NEK8: variants seen among roughly 807,000 people sequenced by gnomAD.
NEK8 encodes the protein serine/threonine-protein kinase Nek8.
A neutral mutation model predicts 77.2 loss-of-function variants in NEK8; 51 were observed. The observed-to-expected ratio is 0.66, with a 90% confidence interval of 0.53 to 0.83. NEK8 has a LOEUF of 0.83. Ranked by LOEUF, NEK8 falls within the 40% of genes least tolerant of loss-of-function variation. The pLI is 0.00. For missense variants in NEK8, 787 were observed against 909.2 expected (o/e 0.87, Z 1.73); for synonymous variants, 365 against 363.2 (o/e 1.00, Z -0.06).
At chr17:28,732,638 A>G (rs1332646350) in intron 1 of NEK8, among the ~76,000 whole-genome samples, 3 of 127,184 alleles carry the variant, frequency 2.4e-5, no homozygotes, top group African/African-American at 6.2e-5. Flanking sequence ...AGCAAGCTCC[A>G]CCTCCCAGGT....
At chr17:28,732,807 C>T (rs961130251) in intron 1 of NEK8, among the ~76,000 whole-genome samples, 1 of 151,924 alleles carries the variant, frequency 6.6e-6, no homozygotes, top group Non-Finnish European at 1.5e-5. Flanking sequence ...CCACCTCGGC[C>T]TCCCAAAGTG....
Position 28,742,034 on chromosome 17 carries a change from G to C in NEK8, c.*47G>C. 6.3e-7 allele frequency: 1 copy of C among 1,590,490 alleles called. No homozygotes were observed. Among genetic ancestry groups the C allele is most frequent in the Non-Finnish European group, 8.6e-7 (1 of 1,158,542 alleles). On this transcript the variant is annotated 3_prime_UTR_variant, in exon 15 of 15. Transcript: ENST00000268766. ...ACCACCCTGATATTGCTTCTCCTCT[G>C]AATGCTCTGAAAAGTGCAGGTGCCC...
At position 28,741,828 on chromosome 17, in the gene NEK8, T is replaced by C. The variant is rs1476691558; in HGVS notation, c.2051-131T>C. The C allele has an allele frequency of 4.8e-6, 5 of 1,041,480 alleles. No homozygotes were observed. The highest frequency in any genetic ancestry group is 1.3e-5 in the South Asian group (1 of 78,628). The allele number at this position is 1,041,480 out of a possible 1,614,324, so 64.5% of individuals were successfully genotyped here. On this transcript the variant is annotated intron_variant, in intron 14 of 14. Coordinates refer to ENST00000268766, the MANE Select transcript of NEK8 (RefSeq NM_178170.3). This position sits in a 1 kb window ranked among gnomAD's most constrained non-coding sequence, Gnocchi z 4.5. ...TTCTTTCTCCTACTGCTGAGTCCCG[T>C]TGATGCTGAAACTCTCTTTCTGGCC...
Position 28,737,659 on chromosome 17 carries a change from C to T in NEK8, c.828-16C>T. 1 of 1,614,164 alleles carries T rather than the reference C, an allele frequency of 6.2e-7. No individual in the cohort carries two copies. The highest frequency in any genetic ancestry group is 8.5e-7 in the Non-Finnish European group (1 of 1,180,010). ...TCAGGAGGGTCTTTGTCCTTAGGCCCCCATCTGTCCTGCAGGGCAGAGAAG... is the reference window on the plus strand; with the variant it reads ...TCAGGAGGGTCTTTGTCCTTAGGCCTCCATCTGTCCTGCAGGGCAGAGAAG... On this transcript the variant is annotated splice_polypyrimidine_tract_variant and intron_variant, in intron 5 of 14. Transcript: ENST00000268766. This position sits in a 1 kb window ranked among gnomAD's most constrained non-coding sequence, Gnocchi z 4.8.
chr17:28,730,867 A>C (rs2034299943), intron 1 of NEK8, among the ~76,000 whole-genome samples: 1 of 152,042 alleles, frequency 6.6e-6, no homozygotes, highest in South Asian at 2.1e-4. Flanking sequence ...AGGCTGTAGT[A>C]AGCTGAGATG....
rs1276801131 is a variant in NEK8, at chr17:28,742,142, T to C, written c.*155T>C. 1.2e-6 allele frequency: 1 copy of C among 808,216 alleles called. No individual in the cohort carries two copies. Among genetic ancestry groups the C allele is most frequent in the African/African-American group, 1.7e-5 (1 of 59,746 alleles). 50.1% of individuals were successfully genotyped at this position (808,216 alleles called of 1,614,324 possible). Reference sequence around the variant, plus strand: ...AAAACCCCTGCTCTGCTTTTGGCCTTGGATATGGAAACCTCAACCACTTTG... The same window carrying C: ...AAAACCCCTGCTCTGCTTTTGGCCTCGGATATGGAAACCTCAACCACTTTG... On this transcript the variant is annotated 3_prime_UTR_variant, in exon 15 of 15. Transcript: ENST00000268766.
Position 28,740,416 on chromosome 17 carries a change from AC to A in NEK8, c.1418-42del. ...AGTGGGCCCTCCTCATTCGGGCATC[AC>A]CCCCACTAAAGCTCAAATTAACTCC... On this transcript the variant is annotated intron_variant, in intron 10 of 14. Transcript: ENST00000268766. The surrounding 1 kb of genome is among the most constrained non-coding windows in gnomAD (Gnocchi z 4.7). 1 of 1,589,000 alleles carries A rather than the reference AC, an allele frequency of 6.3e-7. No homozygotes were observed. Among genetic ancestry groups the A allele is most frequent in the Non-Finnish European group, 8.6e-7 (1 of 1,157,390 alleles).
At chr17:28,739,227 C>T in intron 10 of NEK8, 26 bp downstream of exon 10, 1 of 1,473,066 alleles carries the variant, frequency 6.8e-7, no homozygotes. Context: ...TAGGCCCCAT[C>T]TCACAGCATC....
At chr17:28,732,597 G>T (rs1001815625) in intron 1 of NEK8, among the ~76,000 whole-genome samples, 2 of 139,758 alleles carry the variant, frequency 1.4e-5, no homozygotes, top group Non-Finnish European at 3.0e-5. Flanking sequence ...TGTCGCCCAG[G>T]CTGGAGTGCA....
Position 28,740,688 on chromosome 17 carries a change from C to G in NEK8, c.1568+75C>G. 1 of 1,592,634 alleles carries G rather than the reference C, an allele frequency of 6.3e-7. No individual in the cohort carries two copies. The highest frequency in any genetic ancestry group is 8.6e-7 in the Non-Finnish European group (1 of 1,161,046). On this transcript the variant is annotated intron_variant, in intron 11 of 14. Coordinates refer to ENST00000268766, the MANE Select transcript of NEK8 (RefSeq NM_178170.3). The surrounding 1 kb of genome is among the most constrained non-coding windows in gnomAD (Gnocchi z 4.7). ...CAAGTGCTCCGTCCATCATTGCCTA[C>G]CTTTCACCAAAGACCAGAATTGAGG...
intron 8 of NEK8, 50 bp downstream of exon 8, chr17:28,738,295 C>T (rs2034387522): frequency 6.2e-7 from 1 of 1,604,546 alleles, no homozygotes. Flanking sequence ...CCCCACAGAG[C>T]ACCTTCTCTC....
In NEK8 at chr17:28,741,946, C is replaced by G. The variant is rs749188773; in HGVS notation, c.2051-13C>G. On this transcript the variant is annotated splice_polypyrimidine_tract_variant and intron_variant, in intron 14 of 14. Transcript: ENST00000268766. This position sits in a 1 kb window ranked among gnomAD's most constrained non-coding sequence, Gnocchi z 4.5. Reference sequence around the variant, plus strand: ...CTCAGAAGCTGCAAGGGTTTCTCTTCGGTACCCTCCAGCGGTCACAGATGA... The same window carrying G: ...CTCAGAAGCTGCAAGGGTTTCTCTTGGGTACCCTCCAGCGGTCACAGATGA... 1 of 1,613,980 alleles carries G rather than the reference C, an allele frequency of 6.2e-7. No homozygotes were observed. Among genetic ancestry groups the G allele is most frequent in the South Asian group, 1.1e-5 (1 of 91,076 alleles).
intron 1 of NEK8, chr17:28,732,970 C>T (rs2034325528): frequency 6.6e-6 from 1 of 151,952 alleles, no homozygotes; most frequent in African/African-American, 2.4e-5. Context: ...ATGTCCTAGG[C>T]TCAGGTGATC....
chr17:28,740,390 C>T lies in NEK8; in HGVS notation c.1418-73C>T. ...GAGAACTCATGCTGTTCCCTCCCCT[C>T]AGTGGGCCCTCCTCATTCGGGCATC... On this transcript the variant is annotated intron_variant, in intron 10 of 14. Coordinates refer to ENST00000268766, the MANE Select transcript of NEK8 (RefSeq NM_178170.3). This position sits in a 1 kb window ranked among gnomAD's most constrained non-coding sequence, Gnocchi z 4.7. The T allele has an allele frequency of 7.5e-7, 1 of 1,326,388 alleles. No individual in the cohort carries two copies. The highest frequency in any genetic ancestry group is 1.1e-6 in the Non-Finnish European group (1 of 917,892). 82.2% of individuals were successfully genotyped at this position (1,326,388 alleles called of 1,614,324 possible). A position where few individuals can be genotyped will look rare whatever the true frequency, so the allele number is the denominator to read the frequency against.
chr17:28,739,018 G>A (rs1203848580), intron 9 of NEK8, 66 bp from the exon 10 acceptor site: 1 of 1,154,014 alleles, frequency 8.7e-7, no homozygotes, highest in African/African-American at 1.5e-5. Context: ...GTCCCTACAG[G>A]GGGTGTTGAA....
In NEK8 at chr17:28,739,071, C is replaced by T. The variant is rs371308377; in HGVS notation, c.1300-13C>T. 1.2e-6 allele frequency: 2 copies of T among 1,603,926 alleles called. No individual in the cohort carries two copies. Among genetic ancestry groups the T allele is most frequent in the Non-Finnish European group, 1.7e-6 (2 of 1,170,724 alleles). ...CCTTTGCCCAGTTTCTCCTTGCTTCCTCTCCTCTCTAGCCCACCATTGTGG... is the reference window on the plus strand; with the variant it reads ...CCTTTGCCCAGTTTCTCCTTGCTTCTTCTCCTCTCTAGCCCACCATTGTGG... On this transcript the variant is annotated splice_polypyrimidine_tract_variant and intron_variant, in intron 9 of 14. Coordinates refer to ENST00000268766, the MANE Select transcript of NEK8 (RefSeq NM_178170.3).
intron 1 of NEK8, among the ~76,000 whole-genome samples, chr17:28,732,230 C>T (rs1275257442): frequency 6.6e-6 from 1 of 151,600 alleles, no homozygotes; most frequent in Non-Finnish European, 1.5e-5. Flanking sequence ...GAGGTGGGAG[C>T]ATATCTTGAG....
intron 1 of NEK8, 52 bp downstream of exon 1, chr17:28,728,912 C>T (rs187185944): frequency 3.4e-6 from 5 of 1,470,672 alleles, no homozygotes; most frequent in Non-Finnish European, 4.7e-6. Context: ...GAAAATAAGC[C>T]CCAATTCCGC....
rs1430687179 is a variant in NEK8, at chr17:28,734,246, A to G, written c.253+58A>G. On this transcript the variant is annotated intron_variant, in intron 2 of 14. Transcript: ENST00000268766. Reference sequence around the variant, plus strand: ...AGGGCCTCTTACCTCTGGGACAGGCAGACACAGATCTCCTGGCTTCCCTCC... The same window carrying G: ...AGGGCCTCTTACCTCTGGGACAGGCGGACACAGATCTCCTGGCTTCCCTCC... 2.0e-5 allele frequency: 29 copies of G among 1,451,322 alleles called. No homozygotes were observed. In the East Asian group the frequency reaches 6.6e-4, roughly 33 times the overall value. The allele number at this position is 1,451,322 out of a possible 1,614,324, so 89.9% of individuals were successfully genotyped here.
Sources: allele counts gnomAD v4.1 joint callset (sites outside exome capture counted in the v4.1 genomes callset), GRCh38; gene constraint gnomAD v4.1.1; non-coding constraint Gnocchi (gnomAD v3.1); transcripts MANE v1.5; gene names NCBI Gene and HGNC (gene_info 2026-07-23, HGNC 2026-07-21).